FHIT: variants seen among roughly 807,000 people sequenced by gnomAD.
FHIT encodes fragile histidine triad diadenosine triphosphatase.
In FHIT, 19 loss-of-function variants were observed where a neutral mutation model predicts 17.9. That is an observed-to-expected ratio of 1.06 (90% CI 0.74 to 1.56). The LOEUF (loss-of-function observed/expected upper bound fraction) is 1.56, where lower values mean the gene tolerates loss of function less well. FHIT is among the 40% of genes most tolerant of loss of function. The pLI is 0.00. For missense variants in FHIT, 248 were observed against 189.2 expected, an observed-to-expected ratio of 1.31 and a Z score of -1.82; for synonymous variants, 81 against 69.7, an observed-to-expected ratio of 1.16 and a Z score of -0.81.
intron 8 of FHIT, among the ~76,000 whole-genome samples, chr3:59,886,689 T>C (rs954385361): frequency 6.6e-6 from 1 of 152,112 alleles, no homozygotes; most frequent in African/African-American, 2.4e-5. Flanking sequence ...CTATTCATGA[T>C]GGATCTACCC....
intron 5 of FHIT, among the ~76,000 whole-genome samples, chr3:60,025,519 T>C (rs1271551552): frequency 6.7e-6 from 1 of 149,248 alleles, no homozygotes; most frequent in Non-Finnish European, 1.5e-5. Flanking sequence ...CAATGTGCCA[T>C]AATTCACAAG....
intron 7 of FHIT, among the ~76,000 whole-genome samples, chr3:60,001,385 ATTC>A (rs1416159213): frequency 6.6e-6 from 1 of 152,206 alleles, no homozygotes; most frequent in African/African-American, 2.4e-5. Context: ...ACTACGTCTC[ATTC>A]TTCTTAGGTT....
At chr3:60,034,392 C>T (rs1043551391) in intron 5 of FHIT, among the ~76,000 whole-genome samples, 3 of 152,110 alleles carry the variant, frequency 2.0e-5, no homozygotes, top group Non-Finnish European at 2.9e-5. Flanking sequence ...GAGACTAAAA[C>T]GTCACAGGAA....
At chr3:61,061,183 G>T (rs2034415498) in intron 2 of FHIT, among the ~76,000 whole-genome samples, 1 of 152,160 alleles carries the variant, frequency 6.6e-6, no homozygotes, top group South Asian at 2.1e-4. Flanking sequence ...GACTAGCTGG[G>T]AAGAAGTGAG....
intron 5 of FHIT, among the ~76,000 whole-genome samples, chr3:60,138,954 T>C (rs1260569749): frequency 1.3e-5 from 2 of 152,122 alleles, no homozygotes; most frequent in African/African-American, 4.8e-5. Context: ...AAACGCTCTA[T>C]CCACTGCTTC....
chr3:60,996,701 T>A (rs190515453), intron 3 of FHIT, among the ~76,000 whole-genome samples: 1 of 152,342 alleles, frequency 6.6e-6, no homozygotes, highest in East Asian at 1.9e-4. Flanking sequence ...TTTTCCTTTA[T>A]AATAAAGAGA....
intron 4 of FHIT, among the ~76,000 whole-genome samples, chr3:60,778,757 T>C (rs961103373): frequency 7.9e-5 from 12 of 152,200 alleles, no homozygotes; most frequent in African/African-American, 2.9e-4. Flanking sequence ...GCAGGACACA[T>C]TTGGAGAAAG....
intron 1 of FHIT, among the ~76,000 whole-genome samples, chr3:61,221,468 C>A (rs1217781054): frequency 6.6e-6 from 1 of 152,190 alleles, no homozygotes; most frequent in Non-Finnish European, 1.5e-5. Context: ...TCATTTATTA[C>A]CTTTCCATCA....
chr3:60,955,625 T>TAC (rs1559862453), intron 3 of FHIT, among the ~76,000 whole-genome samples: 64 of 49,392 alleles, frequency 1.3e-3, no homozygotes, highest in South Asian at 2.1e-3. Context: ...TATATATATA[T>TAC]ATATATATAC....
chr3:60,026,661 AT>A (rs1311038139), intron 5 of FHIT, among the ~76,000 whole-genome samples: 1 of 152,232 alleles, frequency 6.6e-6, no homozygotes, highest in African/African-American at 2.4e-5. Flanking sequence ...AATAAAAAAA[AT>A]CTCAAAATGT....
At chr3:61,015,845 A>G (rs2032077257) in intron 3 of FHIT, among the ~76,000 whole-genome samples, 1 of 152,222 alleles carries the variant, frequency 6.6e-6, no homozygotes. Context: ...AAGGAAAAAA[A>G]GCCAGGACAG....
rs562550967 is a variant in FHIT, at chr3:60,074,372, C to T, written c.104-60220G>A. 3.4e-4 allele frequency among the ~76,000 whole-genome samples: 51 copies of T among 152,114 alleles called. 1 individual carries two copies. In the South Asian group the frequency reaches 0.01, roughly 31 times the overall value. On this transcript the variant is annotated intron_variant, in intron 5 of 9. Transcript: ENST00000492590. ...TGTTCCTCTACTTCTATGGTATTACCTCTCCCATGCCACTTCTCTAACTTC... is the reference window on the plus strand; with the variant it reads ...TGTTCCTCTACTTCTATGGTATTACTTCTCCCATGCCACTTCTCTAACTTC...
chr3:60,057,871 T>G (rs56251177), intron 5 of FHIT, among the ~76,000 whole-genome samples: 2,063 of 152,178 alleles, frequency 0.014, 39 homozygotes, highest in African/African-American at 0.047. Flanking sequence ...TAGTCTGGTT[T>G]TGGTCAGGGA....
rs568504722 is a variant in FHIT at position 60,764,250 on chromosome 3, C to T, written c.-18+57669G>A. 2.3e-4 allele frequency among the ~76,000 whole-genome samples: 24 copies of T among 105,434 alleles called. No homozygotes were observed. The East Asian group carries it at 4.7e-3, about 21-fold the overall frequency. 69.2% of individuals were successfully genotyped at this position (105,434 alleles called of 152,430 possible). A position where few individuals can be genotyped will look rare whatever the true frequency, so the allele number is the denominator to read the frequency against. Reference sequence around the variant, plus strand: ...TGTCCTATCTGGGTAGGAAAATGCACACACACACACACACACATATACTAG... The same window carrying T: ...TGTCCTATCTGGGTAGGAAAATGCATACACACACACACACACATATACTAG... On this transcript the variant is annotated intron_variant, in intron 4 of 9. Coordinates refer to ENST00000492590, the MANE Select transcript of FHIT (RefSeq NM_002012.4).
At chr3:60,093,900 T>C (rs1703833932) in intron 5 of FHIT, among the ~76,000 whole-genome samples, 1 of 152,146 alleles carries the variant, frequency 6.6e-6, no homozygotes, top group South Asian at 2.1e-4. Flanking sequence ...ACTACAGGCA[T>C]CAATGTTTCA....
chr3:60,065,953 G>C (rs1702483688), intron 5 of FHIT, among the ~76,000 whole-genome samples: 1 of 152,118 alleles, frequency 6.6e-6, no homozygotes, highest in Admixed American at 6.5e-5. Context: ...TTGCAAATAG[G>C]CAGATTAAAA....
At chr3:59,854,824 G>A (rs1419179628) in intron 8 of FHIT, among the ~76,000 whole-genome samples, 1 of 152,162 alleles carries the variant, frequency 6.6e-6, no homozygotes, top group East Asian at 1.9e-4. Context: ...GAGCCAGACT[G>A]CCCTGAGGCC....
intron 3 of FHIT, among the ~76,000 whole-genome samples, chr3:60,955,194 T>TTA (rs782212134): frequency 2.6e-5 from 4 of 152,144 alleles, no homozygotes; most frequent in Non-Finnish European, 4.4e-5. Flanking sequence ...ATGAAAATGC[T>TTA]TATATGTTCA....
intron 4 of FHIT, among the ~76,000 whole-genome samples, chr3:60,741,913 A>T (rs1553713984): frequency 6.6e-6 from 1 of 152,180 alleles, no homozygotes; most frequent in African/African-American, 2.4e-5. Context: ...GACCTGGGGG[A>T]CTTTTGAAAA....
Sources: allele counts gnomAD v4.1 joint callset (sites outside exome capture counted in the v4.1 genomes callset), GRCh38; gene constraint gnomAD v4.1.1; transcripts MANE v1.5; gene names NCBI Gene and HGNC (gene_info 2026-07-23, HGNC 2026-07-21).